The following LIPN variants were observed in gnomAD, a reference collection of about 807,000 sequenced individuals.
LIPN encodes the protein lipase member N.
Under a neutral mutation model 43.7 loss-of-function variants are expected in LIPN, and 32 were observed. The ratio of observed to expected loss-of-function variants is 0.73; its 90% confidence interval spans 0.55 to 0.98. The LOEUF (loss-of-function observed/expected upper bound fraction) is 0.98. Among genes scored for constraint, LIPN ranks in the 50% least tolerant of loss-of-function variants. The pLI is 0.00. For synonymous variants in LIPN, 156 were observed against 157.6 expected (o/e 0.99, Z 0.08); for missense variants, 505 against 483.8 (o/e 1.04, Z -0.41).
intron 9 of LIPN, among the ~76,000 whole-genome samples, chr10:88,776,628 T>C (rs1590184465): frequency 6.6e-6 from 1 of 152,118 alleles, no homozygotes; most frequent in Non-Finnish European, 1.5e-5. Context: ...CTGCTATATC[T>C]ATATTTTATT....
intron 4 of LIPN, 58 bp downstream of exon 4, chr10:88,764,666 C>A: frequency 8.2e-7 from 1 of 1,225,112 alleles, no homozygotes; most frequent in Non-Finnish European, 1.1e-6. Context: ...AAAAAAATAA[C>A]GTGGACGCTA....
intron 5 of LIPN, among the ~76,000 whole-genome samples, chr10:88,768,097 C>A (rs1443871725): frequency 6.7e-6 from 1 of 149,888 alleles, no homozygotes; most frequent in Non-Finnish European, 1.5e-5. Context: ...CCTCTGGAAA[C>A]CAAATTATAT....
At chr10:88,759,208 A>G (rs1842963041), upstream of LIPN, among the ~76,000 whole-genome samples, 1 of 152,160 alleles carries the variant, frequency 6.6e-6, no homozygotes. Flanking sequence ...AACACAAAAT[A>G]TCATTTTTTT....
chr10:88,765,443 T>C (rs1806921798), intron 4 of LIPN, among the ~76,000 whole-genome samples: 1 of 151,924 alleles, frequency 6.6e-6, no homozygotes, highest in Non-Finnish European at 1.5e-5. Context: ...GGGGCAAGCA[T>C]CAGGAAATAT....
chr10:88,765,806 G>A (rs1188925563), intron 4 of LIPN, among the ~76,000 whole-genome samples: 4 of 150,964 alleles, frequency 2.6e-5, no homozygotes, highest in Non-Finnish European at 5.9e-5. Context: ...TCCCAAATGA[G>A]AAAACATAGG....
At position 88,770,903 on chromosome 10, in the gene LIPN, C is replaced by A. The variant is rs10788611; in HGVS notation, c.731C>A (p.Thr244Asn). ...GATAAGAAAACGAAGATAGCTTCTA[C>A]CAAAATCTGCAACAATAAGATACTC... ...LEDKKTKIAS[T>N]KICNNKILWL... Residue 244 changes from threonine (T) to asparagine (N), a missense_variant, in exon 7 of 10, where the codon ACC becomes AAC. Transcript: ENST00000404459. The A allele has an allele frequency of 0.37, 569,776 of 1,542,812 alleles. 107,237 individuals are homozygous for A. The highest frequency in any genetic ancestry group is 0.52 in the East Asian group (21,391 of 41,116).
intron 3 of LIPN, among the ~76,000 whole-genome samples, chr10:88,762,754 T>C (rs909866672): frequency 6.6e-6 from 1 of 152,070 alleles, no homozygotes; most frequent in African/African-American, 2.4e-5. Flanking sequence ...AAAAACAATC[T>C]AGTTAAATGA....
intron 6 of LIPN, among the ~76,000 whole-genome samples, chr10:88,770,406 T>C (rs201216318): frequency 0.028 from 4,228 of 151,664 alleles, 164 homozygotes; most frequent in African/African-American, 0.085. Flanking sequence ...GAAAAACTGT[T>C]CTACATTTCA....
At chr10:88,762,422 T>C in intron 3 of LIPN, 117 bp downstream of exon 3, 2 of 684,568 alleles carry the variant, frequency 2.9e-6, no homozygotes, top group Non-Finnish European at 5.2e-6. Context: ...ATTATTGGAT[T>C]AGTCTTTAAA....
chr10:88,766,486 C>T, intron 5 of LIPN, 108 bp downstream of exon 5: 1 of 738,210 alleles, frequency 1.4e-6, no homozygotes, highest in Non-Finnish European at 2.4e-6. Context: ...ACTTATAGTG[C>T]CCTCAATTCC....
At chr10:88,770,762 A>G in intron 6 of LIPN, 83 bp from the exon 7 acceptor site, 1 of 831,650 alleles carries the variant, frequency 1.2e-6, no homozygotes, top group African/African-American at 1.7e-5. Context: ...CTCCTTATAT[A>G]TTCTGGTTAC....
At chr10:88,757,382 C>T (rs1356997001), upstream of LIPN, among the ~76,000 whole-genome samples, 2 of 152,130 alleles carry the variant, frequency 1.3e-5, no homozygotes, top group Non-Finnish European at 2.9e-5. Context: ...GGAACATGGA[C>T]GTTATCAAGG....
intron 7 of LIPN, among the ~76,000 whole-genome samples, chr10:88,774,216 C>G (rs897575867): frequency 5.3e-5 from 8 of 152,016 alleles, no homozygotes; most frequent in Non-Finnish European, 1.2e-4. Flanking sequence ...ACTGTTCCTT[C>G]TACTTCAAAA....
chr10:88,762,628 T>C (rs1843021634), intron 3 of LIPN, among the ~76,000 whole-genome samples: 1 of 151,994 alleles, frequency 6.6e-6, no homozygotes, highest in Admixed American at 6.6e-5. Context: ...CCCAGGAAAA[T>C]GGATCCTCTC....
chr10:88,775,313 A>C (rs1367825768), intron 9 of LIPN, 150 bp downstream of exon 9: 2 of 410,754 alleles, frequency 4.9e-6, no homozygotes, highest in Non-Finnish European at 8.4e-6. Flanking sequence ...ATTTTAATTT[A>C]TTTCAGAAAA....
intron 7 of LIPN, 51 bp downstream of exon 7, chr10:88,771,042 T>C (rs925243918): frequency 6.9e-5 from 96 of 1,400,668 alleles, no homozygotes; most frequent in Non-Finnish European, 9.3e-5. Context: ...ATTCCAGCTT[T>C]CCTTTGACTC....
intron 4 of LIPN, 21 bp from the exon 5 acceptor site, chr10:88,766,248 A>C (rs1289829574): frequency 8.7e-7 from 1 of 1,153,356 alleles, no homozygotes; most frequent in African/African-American, 1.5e-5. Context: ...TATTTATAAA[A>C]GCCCCTGTTT....
At chr10:88,760,129 C>T (rs1282789369) in intron 1 of LIPN, among the ~76,000 whole-genome samples, 23 bp downstream of exon 1, 3 of 151,992 alleles carry the variant, frequency 2.0e-5, no homozygotes, top group Admixed American at 6.6e-5. Flanking sequence ...TCTATCATAA[C>T]CAGGAGGCAG....
chr10:88,757,431 T>A (rs574169443), upstream of LIPN, among the ~76,000 whole-genome samples: 1 of 152,172 alleles, frequency 6.6e-6, no homozygotes, highest in Non-Finnish European at 1.5e-5. Context: ...TCTCTTTAAA[T>A]GTAAGTGATC....
Sources: allele counts gnomAD v4.1 joint callset (sites outside exome capture counted in the v4.1 genomes callset), GRCh38; gene constraint gnomAD v4.1.1; transcripts MANE v1.5; gene names NCBI Gene and HGNC (gene_info 2026-07-23, HGNC 2026-07-21).